Variants in MARCHF1 observed in about 807,000 individuals in gnomAD.
The protein encoded by MARCHF1 is membrane associated ring-CH-type finger 1, also known as E3 ubiquitin-protein ligase MARCHF1.
A neutral mutation model predicts 54.2 loss-of-function variants in MARCHF1; 40 were observed. The observed-to-expected ratio is 0.74, with a 90% CI of 0.57 to 0.96. MARCHF1 has a LOEUF of 0.96. Ranked by LOEUF, MARCHF1 falls within the 40% of genes least tolerant of loss-of-function variation. The pLI, the probability that MARCHF1 is intolerant of heterozygous loss-of-function variation, is 0.00. For synonymous variants in MARCHF1, 236 were observed against 236.3 expected (o/e 1.00, Z 0.01); for missense variants, 586 against 656.5 (o/e 0.89, Z 1.17).
chr4:163,897,991 G>A (rs1480117078), intron 3 of MARCHF1, among the ~76,000 whole-genome samples: 1 of 150,148 alleles, frequency 6.7e-6, no homozygotes, highest in Non-Finnish European at 1.5e-5. Flanking sequence ...AACCCGGGAG[G>A]CGGAGCTTGC....
intron 5 of MARCHF1, among the ~76,000 whole-genome samples, chr4:163,673,792 A>G (rs937036249): frequency 2.0e-5 from 3 of 152,200 alleles, no homozygotes; most frequent in Non-Finnish European, 2.9e-5. Flanking sequence ...GAGAATACAA[A>G]CAGTATTGTT....
At chr4:163,670,273 G>T (rs1039581558) in intron 5 of MARCHF1, among the ~76,000 whole-genome samples, 6 of 151,866 alleles carry the variant, frequency 4.0e-5, no homozygotes, top group Non-Finnish European at 8.8e-5. Context: ...GCCATGGGGG[G>T]AGAGAGAGAT....
chr4:164,166,471 C>A (rs1730384225), intron 1 of MARCHF1, among the ~76,000 whole-genome samples: 1 of 151,936 alleles, frequency 6.6e-6, no homozygotes, highest in Admixed American at 6.6e-5. Context: ...AAACTCTTAA[C>A]ACTTTAGCTC....
chr4:164,155,169 G>T (rs1173408819), intron 1 of MARCHF1, among the ~76,000 whole-genome samples: 2 of 152,144 alleles, frequency 1.3e-5, no homozygotes, highest in East Asian at 3.9e-4. Flanking sequence ...CTTTTTGGCT[G>T]CGAAAATAGA....
At chr4:164,147,061 A>G (rs1228937663) in intron 1 of MARCHF1, among the ~76,000 whole-genome samples, 2 of 152,166 alleles carry the variant, frequency 1.3e-5, no homozygotes, top group African/African-American at 4.8e-5. Flanking sequence ...CAGCCAAAAA[A>G]CACATGAAAA....
At chr4:163,723,532 G>T (rs1383335110) in intron 4 of MARCHF1, among the ~76,000 whole-genome samples, 1 of 152,110 alleles carries the variant, frequency 6.6e-6, no homozygotes, top group Admixed American at 6.5e-5. Flanking sequence ...GAGTATCTTT[G>T]TGGCGTTCTC....
chr4:163,589,263 A>G lies in MARCHF1; in HGVS notation c.1011-3334T>C, dbSNP rs187199919. Among the ~76,000 whole-genome samples, 87 of 152,222 alleles carry G rather than the reference A, an allele frequency of 5.7e-4. 1 individual carries two copies. Among genetic ancestry groups the G allele is most frequent in the African/African-American group, 1.8e-3 (74 of 41,560 alleles). ...TTACTGAGTTCAAAGTGACCTGACC[A>G]GTTTACTATCGTCCAGCTTCTTATG... On this transcript the variant is annotated intron_variant, in intron 7 of 9. Transcript: ENST00000514618.
At chr4:163,822,791 C>T (rs976950939) in intron 4 of MARCHF1, among the ~76,000 whole-genome samples, 7 of 151,660 alleles carry the variant, frequency 4.6e-5, no homozygotes, top group Middle Eastern at 3.2e-3. Flanking sequence ...CTATACTCAC[C>T]CTACTGATCT....
chr4:163,751,805 CGTGT>C (rs72029488), intron 4 of MARCHF1, among the ~76,000 whole-genome samples: 1 of 124,486 alleles, frequency 8.0e-6, no homozygotes, highest in Non-Finnish European at 2.0e-5. Context: ...CACATGTGCA[CGTGT>C]GTGTGTGTGT....
At chr4:164,108,512 C>A (rs538508062) in intron 2 of MARCHF1, among the ~76,000 whole-genome samples, 1 of 151,896 alleles carries the variant, frequency 6.6e-6, no homozygotes, top group Non-Finnish European at 1.5e-5. Flanking sequence ...ACATAGTCTG[C>A]ACTTTTAACT....
intron 3 of MARCHF1, 40 bp downstream of exon 3, chr4:163,988,461 G>T (rs1007143254): frequency 1.3e-5 from 2 of 152,236 alleles, no homozygotes; most frequent in African/African-American, 2.4e-5. Context: ...GGCAACAGTG[G>T]CTTGGCTCTC....
chr4:164,256,065 A>T (rs9990904), intron 1 of MARCHF1, among the ~76,000 whole-genome samples: 17,698 of 151,988 alleles, frequency 0.12, 1,612 homozygotes, highest in African/African-American at 0.25. Flanking sequence ...CCAAGGTGGG[A>T]GGATTGCATG....
At chr4:163,688,484 T>C (rs146102450) in intron 5 of MARCHF1, among the ~76,000 whole-genome samples, 16 of 152,298 alleles carry the variant, frequency 1.1e-4, no homozygotes, top group African/African-American at 3.6e-4. Flanking sequence ...GATCTAAATG[T>C]GGCTTATTGT....
chr4:163,798,919 A>T (rs1008942804), intron 4 of MARCHF1, among the ~76,000 whole-genome samples: 20 of 152,194 alleles, frequency 1.3e-4, no homozygotes, highest in African/African-American at 4.6e-4. Context: ...CTTCTAGCGC[A>T]TGCCCGGCAC....
At chr4:163,685,939 T>C (rs560078715) in intron 5 of MARCHF1, among the ~76,000 whole-genome samples, 2 of 152,224 alleles carry the variant, frequency 1.3e-5, no homozygotes, top group Admixed American at 1.3e-4. Context: ...TGGTTAAATA[T>C]GCAGGCTCTT....
chr4:163,556,023 A>G lies in MARCHF1; in HGVS notation c.1192-10280T>C, dbSNP rs59603914. The G allele has an allele frequency of 1.0e-4, 46 of 454,928 alleles. No individual in the cohort carries two copies. The East Asian group carries it at 2.6e-3, about 26-fold the overall frequency. The allele number at this position is 454,928 out of a possible 1,614,324, so 28.2% of individuals were successfully genotyped here. A position where few individuals can be genotyped will look rare whatever the true frequency, so the allele number is the denominator to read the frequency against. On this transcript the variant is annotated intron_variant, in intron 8 of 9. Coordinates refer to ENST00000514618, the MANE Select transcript of MARCHF1 (RefSeq NM_001394959.1). Reference sequence around the variant, plus strand: ...TTTTAAAAATACCCAATTTTACCCCATCATTTTCTAGTTGAAGAAACTGAG... The same window carrying G: ...TTTTAAAAATACCCAATTTTACCCCGTCATTTTCTAGTTGAAGAAACTGAG...
chr4:163,583,883 C>G (rs1320493432), intron 8 of MARCHF1: 1 of 151,306 alleles, frequency 6.6e-6, no homozygotes, highest in Non-Finnish European at 1.5e-5. Flanking sequence ...TCTCAAACTC[C>G]TGGGCTCAAG....
At chr4:164,130,505 TTA>T (rs1391938154) in intron 1 of MARCHF1, among the ~76,000 whole-genome samples, 1 of 152,172 alleles carries the variant, frequency 6.6e-6, no homozygotes, top group African/African-American at 2.4e-5. Context: ...TGCAATATCA[TTA>T]TGTTTTCATT....
chr4:164,333,981 G>A (rs1729654148), intron 1 of MARCHF1, among the ~76,000 whole-genome samples: 1 of 152,178 alleles, frequency 6.6e-6, no homozygotes, highest in Non-Finnish European at 1.5e-5. Context: ...GTAATCCAGA[G>A]AATGGCCCTG....
Sources: gnomAD v4.1 joint callset for allele counts (sites outside exome capture counted in the v4.1 genomes callset) on GRCh38, gnomAD v4.1.1 for gene constraint, MANE v1.5 for transcripts, NCBI Gene and HGNC (gene_info 2026-07-23, HGNC 2026-07-21) for gene names.